Variants in C1GALT1 observed in about 807,000 individuals in gnomAD.
C1GALT1 encodes the protein glycoprotein-N-acetylgalactosamine 3-beta-galactosyltransferase 1.
In C1GALT1, 11 loss-of-function variants were observed where a neutral mutation model predicts 31.0. That is an observed-to-expected ratio of 0.36 (90% CI 0.22 to 0.59). The LOEUF (loss-of-function observed/expected upper bound fraction) is 0.59. Among genes scored for constraint, C1GALT1 ranks in the 20% least tolerant of loss-of-function variants. The probability of loss-of-function intolerance (pLI) is 0.79; values close to 1 mark genes in which losing one functional copy is unlikely to be tolerated. For synonymous variants in C1GALT1, 175 were observed against 143.6 expected (o/e 1.22, Z -1.56); for missense variants, 424 against 425.2 (o/e 1.00, Z 0.03).
chr7:7,163,532 G>T (rs11765714), intron 2 of C1GALT1, among the ~76,000 whole-genome samples: 16,316 of 152,116 alleles, frequency 0.11, 890 homozygotes, highest in East Asian at 0.2. Context: ...AATTGTTCCT[G>T]TTTGCAGATG....
intron 2 of C1GALT1, among the ~76,000 whole-genome samples, chr7:7,166,279 CA>C (rs1445364565): frequency 1.3e-5 from 2 of 151,842 alleles, no homozygotes; most frequent in Admixed American, 6.6e-5. Flanking sequence ...TGAATGAATA[CA>C]AAAATTGTGG....
intron 3 of C1GALT1, among the ~76,000 whole-genome samples, chr7:7,240,571 A>G (rs1783579606): frequency 6.6e-6 from 1 of 152,206 alleles, no homozygotes; most frequent in Non-Finnish European, 1.5e-5. Flanking sequence ...ACATGTAGCA[A>G]ATACATCCAA....
At chr7:7,179,545 TTCTG>T (rs770320763), upstream of C1GALT1, among the ~76,000 whole-genome samples, 5 of 152,238 alleles carry the variant, frequency 3.3e-5, no homozygotes, top group Admixed American at 1.3e-4. Context: ...TTTCACCTCA[TTCTG>T]TCTATTAAAA....
intron 2 of C1GALT1, among the ~76,000 whole-genome samples, chr7:7,167,801 C>T (rs553801656): frequency 2.0e-5 from 3 of 152,244 alleles, no homozygotes; most frequent in African/African-American, 7.2e-5. Context: ...CTCCTCTTTT[C>T]TCACCCTCTC....
At chr7:7,195,005 G>A (rs575861909) in intron 1 of C1GALT1, among the ~76,000 whole-genome samples, 115 of 152,192 alleles carry the variant, frequency 7.6e-4, no homozygotes, top group African/African-American at 2.7e-3. Context: ...TATTTCTGTG[G>A]TATCAATCTA....
chr7:7,216,756 C>T (rs1562580711), intron 1 of C1GALT1, among the ~76,000 whole-genome samples: 1 of 152,156 alleles, frequency 6.6e-6, no homozygotes, highest in African/African-American at 2.4e-5. Context: ...AATATCGGGA[C>T]TAAAATCTGG....
At chr7:7,198,993 A>C (rs11772040) in intron 1 of C1GALT1, among the ~76,000 whole-genome samples, 23,538 of 151,904 alleles carry the variant, frequency 0.15, 2,100 homozygotes, top group East Asian at 0.37. Context: ...CAGCTCCTGG[A>C]TTCACTGATT....
At chr7:7,195,521 C>G (rs1166609438) in intron 1 of C1GALT1, among the ~76,000 whole-genome samples, 1 of 152,104 alleles carries the variant, frequency 6.6e-6, no homozygotes, top group Non-Finnish European at 1.5e-5. Context: ...TTTTATTCCA[C>G]TATAGTGTGA....
At chr7:7,207,540 A>C (rs1347546589) in intron 1 of C1GALT1, among the ~76,000 whole-genome samples, 6 of 150,098 alleles carry the variant, frequency 4.0e-5, no homozygotes, top group Non-Finnish European at 1.5e-5. Flanking sequence ...AACTTGGTCC[A>C]CATTTTCCTT....
intron 1 of C1GALT1, among the ~76,000 whole-genome samples, chr7:7,215,216 C>G (rs1238007018): frequency 6.6e-6 from 1 of 152,186 alleles, no homozygotes; most frequent in Non-Finnish European, 1.5e-5. Flanking sequence ...CTTACGGAGT[C>G]CTGGGCCTGC....
At chr7:7,215,706 A>G (rs1296554400) in intron 1 of C1GALT1, among the ~76,000 whole-genome samples, 1 of 146,354 alleles carries the variant, frequency 6.8e-6, no homozygotes, top group African/African-American at 2.6e-5. Flanking sequence ...CTTTTGGCGT[A>G]CTGTAGGAGA....
intron 2 of C1GALT1, among the ~76,000 whole-genome samples, chr7:7,162,088 T>TA (rs1780340147): frequency 1.3e-5 from 2 of 151,376 alleles, no homozygotes; most frequent in East Asian, 1.9e-4. Flanking sequence ...TCTTTTTTTT[T>TA]ATTAGCTATT....
intron 1 of C1GALT1, among the ~76,000 whole-genome samples, chr7:7,223,560 G>A (rs1036821182): frequency 2.6e-5 from 4 of 152,010 alleles, no homozygotes; most frequent in African/African-American, 4.8e-5. Context: ...TATGGGTTTC[G>A]TTTTTGTTTT....
rs1020877210 is a variant in C1GALT1 at position 7,247,241 on chromosome 7, A to G, written c.*3514A>G. ...CATAGAGCACATAAAACCAGATTTC[A>G]TGATGATGATGTATTCACTATCTTT... On this transcript the variant is annotated 3_prime_UTR_variant, in exon 4 of 4. Coordinates refer to ENST00000436587, the MANE Select transcript of C1GALT1 (RefSeq NM_020156.5). 1.3e-5 allele frequency: 2 copies of G among 152,288 alleles called. No homozygotes were observed. Among genetic ancestry groups the G allele is most frequent in the African/African-American group, 4.8e-5 (2 of 41,572 alleles). 9.4% of individuals were successfully genotyped at this position (152,288 alleles called of 1,614,324 possible).
At chr7:7,160,166 T>C (rs1050970968) in intron 2 of C1GALT1, among the ~76,000 whole-genome samples, 1 of 152,156 alleles carries the variant, frequency 6.6e-6, no homozygotes, top group Non-Finnish European at 1.5e-5. Context: ...CATTTTATAT[T>C]GGGTACACGT....
At chr7:7,239,093 A>G (rs1468300915) in intron 3 of C1GALT1, 171 bp downstream of exon 3, 3 of 602,002 alleles carry the variant, frequency 5.0e-6, no homozygotes, top group South Asian at 2.2e-5. Context: ...GACATCAGCA[A>G]TCAGCAGTAG....
intron 1 of C1GALT1, among the ~76,000 whole-genome samples, chr7:7,201,808 T>C (rs1156625579): frequency 6.6e-6 from 1 of 152,146 alleles, no homozygotes; most frequent in African/African-American, 2.4e-5. Context: ...CTACCTGCCG[T>C]GGTTTCTTTG....
At chr7:7,199,240 T>G (rs1289577266) in intron 1 of C1GALT1, among the ~76,000 whole-genome samples, 1 of 152,230 alleles carries the variant, frequency 6.6e-6, no homozygotes, top group Non-Finnish European at 1.5e-5. Context: ...TGTTGTGTCT[T>G]TGTTCTCATT....
In C1GALT1 at chr7:7,238,478, T is replaced by G; in HGVS notation, c.444T>G (p.Ile148Met). Reference protein sequence around the residue: ...EGRDQLYWKTIKAFQYVHEHY... With the variant: ...EGRDQLYWKTMKAFQYVHEHY... ...GAGATCAACTATACTGGAAAACAAT[T>G]AAAGCTTTTCAGTATGTTCATGAAC... is the stretch of plus-strand genomic sequence containing the variant. The change falls in exon 3 of 4, where the codon ATT (isoleucine) becomes ATG (methionine). Residue 148 changes from isoleucine (I) to methionine (M), a missense_variant. Around this residue, in one of 3 missense-constraint regions of C1GALT1, gnomAD observed 44 missense variants for 78.3 expected, o/e 0.56. Coordinates refer to ENST00000436587, the MANE Select transcript of C1GALT1 (RefSeq NM_020156.5). This position sits in a 1 kb window ranked among gnomAD's most constrained non-coding sequence, Gnocchi z 5.2. The G allele has an allele frequency of 6.2e-7, 1 of 1,613,886 alleles. No homozygotes were observed. The highest frequency in any genetic ancestry group is 1.7e-5 in the Admixed American group (1 of 59,994).
Sources: allele counts gnomAD v4.1 joint callset (sites outside exome capture counted in the v4.1 genomes callset), GRCh38; gene constraint gnomAD v4.1.1; regional missense constraint gnomAD v4.1.1; non-coding constraint Gnocchi (gnomAD v3.1); transcripts MANE v1.5; gene names NCBI Gene and HGNC (gene_info 2026-07-23, HGNC 2026-07-21).